The following NUP214 variants were observed in gnomAD, a reference collection of about 807,000 sequenced individuals.
NUP214 encodes nucleoporin 214, also known as nuclear pore complex protein Nup214.
NUP214 carries 79 observed loss-of-function variants against 196.2 expected under a neutral mutation model. The observed-to-expected ratio is 0.40, with a 90% CI of 0.34 to 0.49. NUP214 has a LOEUF of 0.49. Ranked by LOEUF, NUP214 falls within the 20% of genes least tolerant of loss-of-function variation. NUP214 has a pLI of 0.58. For synonymous variants in NUP214, 1,020 were observed against 990.5 expected (o/e 1.03, Z -0.56); for missense variants, 2,468 against 2,539.0 (o/e 0.97, Z 0.60).
chr9:131,167,037 T>TA (rs1832804868), intron 21 of NUP214: 1 of 152,168 alleles, frequency 6.6e-6, no homozygotes, highest in Non-Finnish European at 1.5e-5. Flanking sequence ...AGTTATCTCA[T>TA]ATACAGTTGA....
intron 4 of NUP214, 115 bp from the exon 5 acceptor site, chr9:131,130,651 T>A: frequency 1.0e-6 from 1 of 973,302 alleles, no homozygotes; most frequent in Non-Finnish European, 1.6e-6. Flanking sequence ...GAGATGATCC[T>A]ACAATCTTCC....
At chr9:131,184,506 T>C (rs1417559153) in intron 24 of NUP214, among the ~76,000 whole-genome samples, 2 of 151,796 alleles carry the variant, frequency 1.3e-5, no homozygotes, top group Non-Finnish European at 2.9e-5. Context: ...GCTAATTTTT[T>C]TGTATTTTTA....
At position 131,145,950 on chromosome 9, in the gene NUP214, G is replaced by A. The variant is rs111606784; in HGVS notation, c.1770-179G>A. Among the ~76,000 whole-genome samples the A allele has an allele frequency of 4.6e-5, 7 of 152,248 alleles. 1 individual carries two copies. Among genetic ancestry groups the A allele is most frequent in the African/African-American group, 1.4e-4 (6 of 41,532 alleles). On this transcript the variant is annotated intron_variant, in intron 12 of 35. Coordinates refer to ENST00000359428, the MANE Select transcript of NUP214 (RefSeq NM_005085.4). ...CAGACGAAAAGATAAATGTTTCCTT[G>A]CAGCTTTCACCTTTTATAAGAAATA...
In NUP214 at chr9:131,133,210, G is replaced by GCA. The variant is rs1196967483; in HGVS notation, c.831+1_831+2insCA. 9.9e-6 allele frequency: 15 copies of GCA among 1,511,658 alleles called. No individual in the cohort carries two copies. Among genetic ancestry groups the GCA allele is most frequent in the Non-Finnish European group, 1.3e-5 (15 of 1,128,498 alleles). 93.6% of individuals were successfully genotyped at this position (1,511,658 alleles called of 1,614,324 possible). A position where few individuals can be genotyped will look rare whatever the true frequency, so the allele number is the denominator to read the frequency against. On this transcript the variant is annotated splice_donor_variant, in intron 7 of 35. Transcript: ENST00000359428. LOFTEE classifies it high-confidence loss of function. ...AGATGTGGTGATGGCTCTACTACCG[G>GCA]TATGCCTGTGGAAGAAATTTCATTG...
intron 32 of NUP214, among the ~76,000 whole-genome samples, chr9:131,224,560 C>A (rs1834673007): frequency 6.6e-6 from 1 of 152,176 alleles, no homozygotes; most frequent in South Asian, 2.1e-4. Context: ...ATCAGTGGCT[C>A]TGACCTGGGA....
chr9:131,222,837 T>C lies in NUP214; in HGVS notation c.5809T>C (p.Ser1937Pro). 1 of 1,614,240 alleles carries C rather than the reference T, an allele frequency of 6.2e-7. No homozygotes were observed. The highest frequency in any genetic ancestry group is 8.5e-7 in the Non-Finnish European group (1 of 1,180,042). The change falls in exon 32 of 36, where the codon TCG (serine) becomes CCG (proline). Residue 1937 changes from serine to proline, a missense_variant. Physicochemically the swap from Ser to Pro is moderately conservative, Grantham distance 74 (BLOSUM62 -1). This residue lies in a region of NUP214 where 262 missense variants were observed against 296.5 expected (regional missense o/e 0.88). Coordinates refer to ENST00000359428, the MANE Select transcript of NUP214 (RefSeq NM_005085.4). Reference sequence around the variant, plus strand: ...GACATTTGGTGGATTTGCCAGCTCGTCGTTTGGAGAGCAGAAACCCACTGG... The same window carrying C: ...GACATTTGGTGGATTTGCCAGCTCGCCGTTTGGAGAGCAGAAACCCACTGG... ...AKTFGGFASSSFGEQKPTGTF... is the reference protein window; with the variant it reads ...AKTFGGFASSPFGEQKPTGTF...
intron 25 of NUP214, 127 bp from the exon 26 acceptor site, chr9:131,188,926 A>T: frequency 3.0e-6 from 2 of 674,286 alleles, no homozygotes; most frequent in Non-Finnish European, 5.0e-6. Flanking sequence ...CTTTTTGGTA[A>T]TTTATCTAAA....
At chr9:131,215,461 GA>G (rs200066503) in intron 31 of NUP214, 93 bp downstream of exon 31, 52 of 1,273,640 alleles carry the variant, frequency 4.1e-5, no homozygotes, top group African/African-American at 7.7e-5. Context: ...AATATAAAAA[GA>G]AAAAAAAATC....
intron 21 of NUP214, among the ~76,000 whole-genome samples, chr9:131,171,843 G>T (rs1832968348): frequency 6.6e-6 from 1 of 151,948 alleles, no homozygotes; most frequent in African/African-American, 2.4e-5. Context: ...TGAGAATGAT[G>T]ATTTCCAATT....
chr9:131,126,136 G>C (rs769139318), intron 1 of NUP214: 1 of 254,388 alleles, frequency 3.9e-6, no homozygotes, highest in Non-Finnish European at 7.7e-6. Flanking sequence ...AGTCACATTT[G>C]ACGCGGGGCT....
At position 131,233,563 on chromosome 9, in the gene NUP214, G is replaced by A; in HGVS notation, c.*76G>A. On this transcript the variant is annotated 3_prime_UTR_variant, in exon 36 of 36. Coordinates refer to ENST00000359428, the MANE Select transcript of NUP214 (RefSeq NM_005085.4). ...TCTTCCCCGAGAAATGCTGGAGCAG[G>A]CTGTTCAGACCGACGTTGCCATCAA... The A allele has an allele frequency of 1.3e-6, 2 of 1,572,734 alleles. No individual in the cohort carries two copies. The highest frequency in any genetic ancestry group is 2.2e-5 in the South Asian group (2 of 89,820).
chr9:131,219,746 T>C (rs969286691), intron 31 of NUP214, among the ~76,000 whole-genome samples: 1 of 152,224 alleles, frequency 6.6e-6, no homozygotes, highest in Non-Finnish European at 1.5e-5. Context: ...GAAAGACATA[T>C]TTGTCTCATC....
intron 31 of NUP214, among the ~76,000 whole-genome samples, chr9:131,220,640 G>T (rs1346528057): frequency 6.6e-6 from 1 of 152,228 alleles, no homozygotes; most frequent in East Asian, 1.9e-4. Context: ...CTAGTGCCCT[G>T]TGTGCATCAT....
intron 32 of NUP214, among the ~76,000 whole-genome samples, chr9:131,226,693 A>C (rs1350421943): frequency 1.3e-5 from 2 of 152,014 alleles, no homozygotes; most frequent in Non-Finnish European, 2.9e-5. Context: ...AATTTCACTC[A>C]GTGTTTTAAC....
intron 21 of NUP214, among the ~76,000 whole-genome samples, chr9:131,171,224 G>C (rs1476795250): frequency 6.6e-6 from 1 of 152,158 alleles, no homozygotes; most frequent in Non-Finnish European, 1.5e-5. Flanking sequence ...TCAGTTGATG[G>C]GGTTCCTCCA....
chr9:131,131,099 T>C (rs903609035), intron 5 of NUP214, among the ~76,000 whole-genome samples: 3 of 152,206 alleles, frequency 2.0e-5, no homozygotes, highest in African/African-American at 7.2e-5. Flanking sequence ...TTTTTTTTGT[T>C]GTTGTTTTTA....
rs190171576 is a variant in NUP214 at position 131,173,616 on chromosome 9, C to T, written c.2894-439C>T. 2.6e-3 allele frequency among the ~76,000 whole-genome samples: 398 copies of T among 151,916 alleles called. 4 individuals carry two copies. The highest frequency in any genetic ancestry group is 4.3e-3 in the Non-Finnish European group (292 of 67,958). On this transcript the variant is annotated intron_variant, in intron 21 of 35. Transcript: ENST00000359428. Reference sequence around the variant, plus strand: ...TGGAAATGTTCGAGACACTCAGGACCGAGGACATTCTTTCTAATCCATTTT... The same window carrying T: ...TGGAAATGTTCGAGACACTCAGGACTGAGGACATTCTTTCTAATCCATTTT...
intron 21 of NUP214, among the ~76,000 whole-genome samples, chr9:131,169,197 T>C (rs974067128): frequency 2.4e-4 from 36 of 152,128 alleles, no homozygotes; most frequent in African/African-American, 8.7e-4. Flanking sequence ...CAAGCCCAGC[T>C]AATTTTTTTG....
intron 26 of NUP214, chr9:131,190,439 C>G: frequency 1.4e-6 from 1 of 692,872 alleles, no homozygotes. Context: ...ATGAAATCCT[C>G]TCTTTTGTTA....
Sources: gnomAD v4.1 joint callset for allele counts (sites outside exome capture counted in the v4.1 genomes callset) on GRCh38, gnomAD v4.1.1 for gene constraint, gnomAD v4.1.1 regional missense constraint, MANE v1.5 for transcripts, NCBI Gene and HGNC (gene_info 2026-07-23, HGNC 2026-07-21) for gene names.